The following KCNMA1 variants were observed in gnomAD, a reference collection of about 807,000 sequenced individuals.
KCNMA1 encodes the protein Calcium-activated potassium channel subunit alpha-1.
In KCNMA1, 29 loss-of-function variants were observed where a neutral mutation model predicts 140.0. The observed-to-expected ratio is 0.21, with a 90% CI of 0.15 to 0.28. The LOEUF is 0.28. KCNMA1 is among the 10% of genes least tolerant of loss of function. KCNMA1 has a pLI of 1.00. For missense variants in KCNMA1, 880 were observed against 1,602.2 expected (o/e 0.55, Z 7.70); for synonymous variants, 612 against 611.9 (o/e 1.00, Z 0.00).
At chr10:77,252,600 T>G (rs1420740703) in intron 2 of KCNMA1, among the ~76,000 whole-genome samples, 2 of 151,874 alleles carry the variant, frequency 1.3e-5, no homozygotes, top group African/African-American at 2.4e-5. Flanking sequence ...AGAATCTCTC[T>G]CTTTTACACC....
intron 5 of KCNMA1, among the ~76,000 whole-genome samples, chr10:77,178,686 C>T (rs564845780): frequency 6.6e-6 from 1 of 152,244 alleles, no homozygotes; most frequent in East Asian, 1.9e-4. Context: ...GCCTGGGCAA[C>T]AAGGGCGAAA....
chr10:77,193,819 G>T (rs193298172), intron 3 of KCNMA1, among the ~76,000 whole-genome samples: 6 of 152,300 alleles, frequency 3.9e-5, no homozygotes, highest in Admixed American at 3.9e-4. Flanking sequence ...TGAATGGAGA[G>T]CTGAGAATCT....
intron 2 of KCNMA1, among the ~76,000 whole-genome samples, chr10:77,268,428 G>C (rs1271485154): frequency 6.6e-6 from 1 of 152,132 alleles, no homozygotes; most frequent in East Asian, 1.9e-4. Context: ...GTCTGCTGAT[G>C]AGTAAGTGTT....
chr10:76,971,368 C>A (rs950631627), intron 19 of KCNMA1, among the ~76,000 whole-genome samples: 2 of 152,130 alleles, frequency 1.3e-5, no homozygotes, highest in African/African-American at 4.8e-5. Flanking sequence ...TTAGAGCATG[C>A]ATTATATGGT....
chr10:77,407,239 C>G (rs2096497673), intron 1 of KCNMA1, among the ~76,000 whole-genome samples: 1 of 152,156 alleles, frequency 6.6e-6, no homozygotes, highest in Admixed American at 6.5e-5. Flanking sequence ...GCCGGCCAGA[C>G]TAGCCACCAG....
At chr10:77,010,926 A>C (rs1488141852) in intron 18 of KCNMA1, among the ~76,000 whole-genome samples, 1 of 151,944 alleles carries the variant, frequency 6.6e-6, no homozygotes, top group Non-Finnish European at 1.5e-5. Context: ...CACCCAGAGA[A>C]TCAATAGAGG....
In KCNMA1 at chr10:76,886,029, A is replaced by G; in HGVS notation, c.*1237T>C. The G allele has an allele frequency of 1.0e-6, 1 of 985,430 alleles. No homozygotes were observed. The highest frequency in any genetic ancestry group is 1.2e-6 in the Non-Finnish European group (1 of 829,942). The allele number at this position is 985,430 out of a possible 1,614,324, so 61.0% of individuals were successfully genotyped here. ...CTTCCCACCAGCTTTCTGCATTGGG[A>G]CAGCCAGCACCGCACAGCTGTGCCA... On this transcript the variant is annotated 3_prime_UTR_variant, in exon 28 of 28. Transcript: ENST00000286628.
intron 1 of KCNMA1, among the ~76,000 whole-genome samples, chr10:77,499,422 TACACACACACAC>T (rs1288964964): frequency 3.8e-5 from 4 of 105,648 alleles, no homozygotes; most frequent in East Asian, 3.4e-4. Flanking sequence ...TATATATATA[TACACACACACAC>T]ATACACACAC....
chr10:77,369,764 C>A (rs1310433218), intron 2 of KCNMA1, among the ~76,000 whole-genome samples: 1 of 152,188 alleles, frequency 6.6e-6, no homozygotes, highest in East Asian at 1.9e-4. Context: ...CAGGAGGAGA[C>A]AGAGGAGAGA....
chr10:77,325,620 C>T (rs945809530), intron 2 of KCNMA1, among the ~76,000 whole-genome samples: 1 of 152,208 alleles, frequency 6.6e-6, no homozygotes, highest in African/African-American at 2.4e-5. Flanking sequence ...GCCCACTGGG[C>T]CCATCCCCAT....
At chr10:76,882,489 G>A (rs886337859), downstream of KCNMA1, among the ~76,000 whole-genome samples, 3 of 152,022 alleles carry the variant, frequency 2.0e-5, no homozygotes, top group South Asian at 2.1e-4. Flanking sequence ...TGCCTCCTCC[G>A]TCCCCACCCA....
At chr10:76,988,196 G>A (rs989824309) in intron 19 of KCNMA1, among the ~76,000 whole-genome samples, 1 of 152,140 alleles carries the variant, frequency 6.6e-6, no homozygotes, top group South Asian at 2.1e-4. Flanking sequence ...CCACACATCA[G>A]GTCTGCTGAA....
At chr10:77,243,963 T>A (rs2057962071) in intron 3 of KCNMA1, among the ~76,000 whole-genome samples, 1 of 152,222 alleles carries the variant, frequency 6.6e-6, no homozygotes, top group Admixed American at 6.5e-5. Flanking sequence ...CTGGATTTGA[T>A]CTTTTCCACC....
chr10:77,248,020 T>C (rs2058929926), intron 3 of KCNMA1, among the ~76,000 whole-genome samples: 1 of 152,164 alleles, frequency 6.6e-6, no homozygotes, highest in Admixed American at 6.5e-5. Flanking sequence ...GGATCTGTCT[T>C]TGCCTAATGG....
chr10:77,631,913 C>G (rs2093262475), intron 1 of KCNMA1, among the ~76,000 whole-genome samples: 1 of 152,070 alleles, frequency 6.6e-6, no homozygotes. Flanking sequence ...CAGTGTCCTC[C>G]TAGGAAATGC....
rs191238109 is a variant in KCNMA1 at position 77,081,504 on chromosome 10, C to T, written c.1524-1954G>A. Among the ~76,000 whole-genome samples, 8 of 152,220 alleles carry T rather than the reference C, an allele frequency of 5.3e-5. No homozygotes were observed. The East Asian group carries it at 1.5e-3, about 29-fold the overall frequency. On this transcript the variant is annotated intron_variant, in intron 12 of 27. Transcript: ENST00000286628. Reference sequence around the variant, plus strand: ...CAAGTGCATTTATTATGACCACCCCCACAAACTTCCCACCCAGCAGCGCTC... The same window carrying T: ...CAAGTGCATTTATTATGACCACCCCTACAAACTTCCCACCCAGCAGCGCTC...
At position 77,138,327 on chromosome 10, in the gene KCNMA1, T is replaced by C. The variant is rs180950241; in HGVS notation, c.809-17279A>G. Among the ~76,000 whole-genome samples, 1,409 of 152,286 alleles carry C rather than the reference T, an allele frequency of 9.3e-3. 17 individuals carry two copies. The highest frequency in any genetic ancestry group is 0.014 in the Non-Finnish European group (941 of 68,016). The stretch of plus-strand genomic sequence containing the variant: ...TCACCCATCCTGGGGTGCATGATCA[T>C]AGCTCACTGGAGTCTTGACCTCATG... On this transcript the variant is annotated intron_variant, in intron 5 of 27. Transcript: ENST00000286628.
At chr10:77,325,281 C>G (rs959417874) in intron 2 of KCNMA1, among the ~76,000 whole-genome samples, 1 of 152,180 alleles carries the variant, frequency 6.6e-6, no homozygotes, top group African/African-American at 2.4e-5. Flanking sequence ...AGTCCAGGCT[C>G]CTGGAAGTCT....
intron 14 of KCNMA1, among the ~76,000 whole-genome samples, chr10:77,065,998 A>ACACT (rs2095926225): frequency 6.6e-6 from 1 of 152,184 alleles, no homozygotes; most frequent in Admixed American, 6.5e-5. Context: ...AAGCAGGAGA[A>ACACT]CACTCAGGAC....
Sources: allele counts gnomAD v4.1 joint callset (sites outside exome capture counted in the v4.1 genomes callset), GRCh38; gene constraint gnomAD v4.1.1; transcripts MANE v1.5; gene names NCBI Gene and HGNC (gene_info 2026-07-23, HGNC 2026-07-21).